The following NCKAP5 variants were observed in gnomAD, a reference collection of about 807,000 sequenced individuals.
NCKAP5 encodes the protein nck-associated protein 5.
NCKAP5 carries 92 observed loss-of-function variants against 167.0 expected under a neutral mutation model. The ratio of observed to expected loss-of-function variants is 0.55; its 90% CI spans 0.47 to 0.66. The LOEUF (loss-of-function observed/expected upper bound fraction) is 0.66. NCKAP5 is among the 30% of genes least tolerant of loss of function. The pLI, the probability that NCKAP5 is intolerant of heterozygous loss-of-function variation, is 0.00. For missense variants in NCKAP5, 2,378 were observed against 2,315.0 expected, an observed-to-expected ratio of 1.03 and a Z score of -0.56; for synonymous variants, 891 against 877.4, an observed-to-expected ratio of 1.02 and a Z score of -0.27.
intron 19 of NCKAP5, among the ~76,000 whole-genome samples, chr2:132,705,321 T>A (rs543635007): frequency 2.0e-5 from 3 of 152,252 alleles, no homozygotes; most frequent in East Asian, 3.9e-4. Flanking sequence ...ATAGCAAAAA[T>A]CTTTGAAAGA....
the NCKAP5 span, among the ~76,000 whole-genome samples, chr2:133,593,026 C>T: frequency 6.6e-6 from 1 of 152,162 alleles, no homozygotes; most frequent in Non-Finnish European, 1.5e-5. Context: ...CACTGAGAAC[C>T]ATGAGCATTC....
intron 3 of NCKAP5, among the ~76,000 whole-genome samples, chr2:133,482,593 G>T (rs995016590): frequency 6.6e-6 from 1 of 152,124 alleles, no homozygotes. Context: ...GACTAATTCT[G>T]CAATGAACAT....
chr2:133,398,613 C>A (rs1313483243), intron 3 of NCKAP5, among the ~76,000 whole-genome samples: 2 of 152,172 alleles, frequency 1.3e-5, no homozygotes, highest in African/African-American at 4.8e-5. Flanking sequence ...GAAAATATGT[C>A]TGTTTTTAAC....
At chr2:133,555,624 T>C (rs992152774) in intron 2 of NCKAP5, among the ~76,000 whole-genome samples, 1 of 152,246 alleles carries the variant, frequency 6.6e-6, no homozygotes, top group African/African-American at 2.4e-5. Flanking sequence ...TTAGTCATAG[T>C]GCTGCTTTCT....
intron 3 of NCKAP5, among the ~76,000 whole-genome samples, chr2:133,440,316 T>C (rs1179494024): frequency 5.3e-5 from 8 of 152,182 alleles, no homozygotes; most frequent in African/African-American, 1.9e-4. Flanking sequence ...AAATAGTACA[T>C]GCACTGTGAT....
At chr2:133,059,373 T>G (rs1213997088) in intron 6 of NCKAP5, among the ~76,000 whole-genome samples, 5 of 151,538 alleles carry the variant, frequency 3.3e-5, no homozygotes, top group African/African-American at 1.2e-4. Flanking sequence ...ATAAAATATT[T>G]TGAAATTAAA....
chr2:133,054,121 A>T (rs1314381053), intron 6 of NCKAP5, among the ~76,000 whole-genome samples: 1 of 152,230 alleles, frequency 6.6e-6, no homozygotes, highest in African/African-American at 2.4e-5. Context: ...AAAAGTATCT[A>T]AGCTTGCAAG....
intron 3 of NCKAP5, among the ~76,000 whole-genome samples, chr2:133,317,559 C>T (rs1681703581): frequency 6.6e-6 from 1 of 152,146 alleles, no homozygotes; most frequent in Non-Finnish European, 1.5e-5. Flanking sequence ...TCCCCGCAGA[C>T]ACTGTAGGCC....
At chr2:132,798,644 C>A (rs1377937374) in intron 11 of NCKAP5, among the ~76,000 whole-genome samples, 1 of 152,168 alleles carries the variant, frequency 6.6e-6, no homozygotes, top group Non-Finnish European at 1.5e-5. Context: ...AAAAACCTGC[C>A]CTCCTCAAGG....
At chr2:133,508,052 T>A (rs1276081340) in intron 3 of NCKAP5, among the ~76,000 whole-genome samples, 1 of 152,194 alleles carries the variant, frequency 6.6e-6, no homozygotes, top group Non-Finnish European at 1.5e-5. Flanking sequence ...CATTTTGCCT[T>A]GCACCAGGAA....
At chr2:132,830,349 C>T (rs1246749050) in intron 11 of NCKAP5, among the ~76,000 whole-genome samples, 1 of 151,750 alleles carries the variant, frequency 6.6e-6, no homozygotes, top group Non-Finnish European at 1.5e-5. Flanking sequence ...TAAACTGGCT[C>T]ACTGGTGTTT....
At chr2:133,401,607 C>T (rs1335663962) in intron 3 of NCKAP5, among the ~76,000 whole-genome samples, 2 of 152,150 alleles carry the variant, frequency 1.3e-5, no homozygotes, top group African/African-American at 4.8e-5. Flanking sequence ...AAAACCCACA[C>T]ATTTGGTGTC....
At chr2:132,698,006 C>T (rs1400566597) in intron 19 of NCKAP5, among the ~76,000 whole-genome samples, 1 of 152,114 alleles carries the variant, frequency 6.6e-6, no homozygotes, top group African/African-American at 2.4e-5. Flanking sequence ...CTTTTATTGG[C>T]CCGTATTTCA....
intron 3 of NCKAP5, among the ~76,000 whole-genome samples, chr2:133,383,240 G>A (rs1686659026): frequency 6.6e-6 from 1 of 151,870 alleles, no homozygotes; most frequent in African/African-American, 2.4e-5. Context: ...AACAGGCCCT[G>A]GTGTGTGATG....
intron 8 of NCKAP5, among the ~76,000 whole-genome samples, chr2:132,959,098 T>C (rs2076431848): frequency 6.8e-6 from 1 of 147,336 alleles, no homozygotes; most frequent in Admixed American, 6.8e-5. Context: ...ATATTATTAA[T>C]ATATTTAATA....
chr2:133,163,412 A>G (rs1418409948), intron 5 of NCKAP5, among the ~76,000 whole-genome samples: 6 of 152,248 alleles, frequency 3.9e-5, no homozygotes, highest in Non-Finnish European at 8.8e-5. Flanking sequence ...ACAGGCAAGT[A>G]TAGAGGCCCA....
intron 11 of NCKAP5, among the ~76,000 whole-genome samples, chr2:132,816,733 C>T (rs544480503): frequency 5.9e-5 from 9 of 152,170 alleles, no homozygotes; most frequent in Non-Finnish European, 1.0e-4. Flanking sequence ...TACCCATGGT[C>T]CCTAATATGA....
intron 11 of NCKAP5, among the ~76,000 whole-genome samples, chr2:132,830,369 A>C (rs988077061): frequency 1.3e-5 from 2 of 152,010 alleles, no homozygotes; most frequent in Non-Finnish European, 2.9e-5. Context: ...TCTGGTGATT[A>C]TGCTCAGAGT....
intron 19 of NCKAP5, among the ~76,000 whole-genome samples, chr2:132,711,967 G>A (rs1417461049): frequency 6.6e-6 from 1 of 152,216 alleles, no homozygotes; most frequent in East Asian, 1.9e-4. Flanking sequence ...TTTTGGTGTT[G>A]TGGTTGTATA....
Sources: gnomAD v4.1 joint callset for allele counts (sites outside exome capture counted in the v4.1 genomes callset) on GRCh38, gnomAD v4.1.1 for gene constraint, MANE v1.5 for transcripts, NCBI Gene and HGNC (gene_info 2026-07-23, HGNC 2026-07-21) for gene names.